SLC17A5: variants seen among roughly 807,000 people sequenced by gnomAD.
SLC17A5 encodes solute carrier family 17 member 5.
SLC17A5 carries 47 observed loss-of-function variants against 59.4 expected under a neutral mutation model. That is an observed-to-expected ratio of 0.79 (90% CI 0.63 to 1.01). The LOEUF is 1.01. Ranked by LOEUF, SLC17A5 falls within the 50% of genes least tolerant of loss-of-function variation. The pLI, the probability that SLC17A5 is intolerant of heterozygous loss-of-function variation, is 0.00. For synonymous variants in SLC17A5, 202 were observed against 210.7 expected, an observed-to-expected ratio of 0.96 and a Z score of 0.36; for missense variants, 522 against 595.5, an observed-to-expected ratio of 0.88 and a Z score of 1.28.
chr6:73,640,134 T>C (rs1769214883), intron 3 of SLC17A5, among the ~76,000 whole-genome samples: 1 of 152,208 alleles, frequency 6.6e-6, no homozygotes, highest in Non-Finnish European at 1.5e-5. Context: ...AATGTTAAAT[T>C]AGTGGCATAA....
At chr6:73,634,005 CTG>C (rs1216254556) in intron 6 of SLC17A5, among the ~76,000 whole-genome samples, 8 of 152,016 alleles carry the variant, frequency 5.3e-5, no homozygotes, top group South Asian at 2.1e-4. Context: ...TGAAAACAAA[CTG>C]TGTATATTTT....
rs1371715121 is a variant in SLC17A5, at chr6:73,593,773, A to T, written c.*1304T>A. 1 of 152,178 alleles carries T rather than the reference A, an allele frequency of 6.6e-6. No homozygotes were observed. Among genetic ancestry groups the T allele is most frequent in the Non-Finnish European group, 1.5e-5 (1 of 68,036 alleles). 9.4% of individuals were successfully genotyped at this position (152,178 alleles called of 1,614,324 possible). A position where few individuals can be genotyped will look rare whatever the true frequency, so the allele number is the denominator to read the frequency against. ...AAAAAAATTCTCGTGTAGCTTAAAA[A>T]CATAGAACAGGCTGGGCACAGTGGC... On this transcript the variant is annotated 3_prime_UTR_variant, in exon 11 of 11. Coordinates refer to ENST00000355773, the MANE Select transcript of SLC17A5 (RefSeq NM_012434.5).
intron 7 of SLC17A5, among the ~76,000 whole-genome samples, chr6:73,620,787 C>T (rs595884): frequency 0.16 from 24,459 of 149,228 alleles, 3,019 homozygotes; most frequent in African/African-American, 0.34. Context: ...AGGGGCATGA[C>T]CTCAGCTCAC....
At chr6:73,632,291 CAAAAAAAAAAAAAA>C (rs71000140) in intron 6 of SLC17A5, among the ~76,000 whole-genome samples, 2 of 63,752 alleles carry the variant, frequency 3.1e-5, no homozygotes, top group African/African-American at 1.2e-4. Context: ...GAGCTAGACT[CAAAAAAAAAAAAAA>C]AAAAAAAAAG....
At position 73,594,955 on chromosome 6, in the gene SLC17A5, A is replaced by C. The variant is rs1474538125; in HGVS notation, c.*122T>G. The C allele has an allele frequency of 1.8e-6, 2 of 1,089,154 alleles. No individual in the cohort carries two copies. Among genetic ancestry groups the C allele is most frequent in the Non-Finnish European group, 1.4e-6 (1 of 719,952 alleles). The allele number at this position is 1,089,154 out of a possible 1,614,324, so 67.5% of individuals were successfully genotyped here. On this transcript the variant is annotated 3_prime_UTR_variant, in exon 11 of 11. Transcript: ENST00000355773. ...GTGATATTTCATGATTATAGGCCTTAAAAATCTAATACAAGTACAATTAAA... is the reference window on the plus strand; with the variant it reads ...GTGATATTTCATGATTATAGGCCTTCAAAATCTAATACAAGTACAATTAAA...
At chr6:73,630,595 A>G (rs114009512) in intron 6 of SLC17A5, among the ~76,000 whole-genome samples, 495 of 152,272 alleles carry the variant, frequency 3.3e-3, no homozygotes, top group African/African-American at 0.011. Flanking sequence ...AGGGAGGCAC[A>G]GAGGACCCTC....
At chr6:73,653,358 A>G in intron 1 of SLC17A5, 2 of 985,424 alleles carry the variant, frequency 2.0e-6, no homozygotes, top group South Asian at 4.7e-5. Context: ...TTTCTCCTCC[A>G]GTTTGCTCTT....
chr6:73,602,376 A>T (rs1210558176), intron 9 of SLC17A5, among the ~76,000 whole-genome samples: 1 of 150,180 alleles, frequency 6.7e-6, no homozygotes, highest in Non-Finnish European at 1.5e-5. Context: ...CCTTCCCTCC[A>T]CTATTGTCCT....
At chr6:73,631,370 C>T (rs1380230995) in intron 6 of SLC17A5, among the ~76,000 whole-genome samples, 1 of 151,844 alleles carries the variant, frequency 6.6e-6, no homozygotes, top group Non-Finnish European at 1.5e-5. Flanking sequence ...CCTCTCCCAG[C>T]TAATATGAGT....
intron 2 of SLC17A5, among the ~76,000 whole-genome samples, chr6:73,642,613 T>C (rs986751344): frequency 2.0e-5 from 3 of 152,172 alleles, no homozygotes; most frequent in Non-Finnish European, 2.9e-5. Flanking sequence ...ACAAACTTCA[T>C]GTGAATAGAA....
chr6:73,636,591 A>T (rs763195438), intron 5 of SLC17A5, 30 bp downstream of exon 5: 1 of 1,211,260 alleles, frequency 8.3e-7, no homozygotes, highest in African/African-American at 1.5e-5. Context: ...AATTTGTTAC[A>T]TTATAATTTA....
intron 1 of SLC17A5, 119 bp from the exon 2 acceptor site, chr6:73,644,722 T>C: frequency 1.1e-6 from 1 of 915,742 alleles, no homozygotes; most frequent in South Asian, 1.5e-5. Flanking sequence ...TCCACCCACC[T>C]CAGCCTCCCA....
At chr6:73,651,773 G>C (rs987885211) in intron 1 of SLC17A5, among the ~76,000 whole-genome samples, 12 of 151,938 alleles carry the variant, frequency 7.9e-5, no homozygotes, top group African/African-American at 2.9e-4. Context: ...GGATGGTCTC[G>C]GTCTGCTGAC....
chr6:73,614,663 G>A (rs1767778292), intron 8 of SLC17A5, among the ~76,000 whole-genome samples: 2 of 152,130 alleles, frequency 1.3e-5, no homozygotes, highest in Non-Finnish European at 2.9e-5. Context: ...AATGGCCAAT[G>A]ATTTAATCAA....
chr6:73,600,452 A>AT lies in SLC17A5; in HGVS notation c.1260-12dup. 1 of 1,586,468 alleles carries AT rather than the reference A, an allele frequency of 6.3e-7. No homozygotes were observed. The highest frequency in any genetic ancestry group is 8.6e-7 in the Non-Finnish European group (1 of 1,156,132). Reference sequence around the variant, plus strand: ...AGGATACCAGCATACCTGTAGAAACATTTTCATAGACGTTTATTATTGTGA... The same window carrying AT: ...AGGATACCAGCATACCTGTAGAAACATTTTTCATAGACGTTTATTATTGTGA... On this transcript the variant is annotated splice_polypyrimidine_tract_variant and intron_variant, in intron 9 of 10. Transcript: ENST00000355773.
At chr6:73,643,988 G>T (rs1189273865) in intron 2 of SLC17A5, among the ~76,000 whole-genome samples, 1 of 152,124 alleles carries the variant, frequency 6.6e-6, no homozygotes, top group African/African-American at 2.4e-5. Flanking sequence ...TAAGAAACTG[G>T]CCAGTTCTTG....
chr6:73,611,886 G>C (rs1015367802), intron 8 of SLC17A5, among the ~76,000 whole-genome samples: 19 of 152,244 alleles, frequency 1.2e-4, no homozygotes, highest in Admixed American at 1.0e-3. Context: ...AGGCTGGAGT[G>C]CAGTGGTGCG....
In SLC17A5 at chr6:73,653,874, C is replaced by T. The variant is rs2150128088; in HGVS notation, c.13G>A (p.Val5Ile). 6.2e-7 allele frequency: 1 copy of T among 1,606,700 alleles called. No homozygotes were observed. Residue 5 changes from valine to isoleucine, a missense_variant, in exon 1 of 11, where the codon GTT (valine) becomes ATT (isoleucine). By Grantham distance (29) the Val-to-Ile change is conservative (BLOSUM62 3). Around this residue, in one of 3 missense-constraint regions of SLC17A5, gnomAD observed 338 missense variants for 363.8 expected, o/e 0.93. Coordinates refer to ENST00000355773, the MANE Select transcript of SLC17A5 (RefSeq NM_012434.5). ...CCATCGTTCCGGGCCAGGTCTCGAA[C>T]CGGAGACCTCATGACGCCTACGTGA... is the stretch of plus-strand genomic sequence containing the variant. MRSP[V>I]RDLARNDGEE... is the part of the protein sequence containing the mutation.
At chr6:73,626,436 A>G (rs1768421487) in intron 6 of SLC17A5, among the ~76,000 whole-genome samples, 1 of 152,258 alleles carries the variant, frequency 6.6e-6, no homozygotes, top group African/African-American at 2.4e-5. Flanking sequence ...TATGAATTGT[A>G]AGATCAACTT....
Sources: allele counts gnomAD v4.1 joint callset (sites outside exome capture counted in the v4.1 genomes callset), GRCh38; gene constraint gnomAD v4.1.1; regional missense constraint gnomAD v4.1.1; transcripts MANE v1.5; gene names NCBI Gene and HGNC (gene_info 2026-07-23, HGNC 2026-07-21).